IPO11: variants seen among roughly 807,000 people sequenced by gnomAD.
IPO11 encodes importin-11.
IPO11 carries 66 observed loss-of-function variants against 143.2 expected under a neutral mutation model. The ratio of observed to expected loss-of-function variants is 0.46; its 90% CI spans 0.38 to 0.57. IPO11 has a LOEUF of 0.57. IPO11 is among the 20% of genes least tolerant of loss of function. The pLI, the probability that IPO11 is intolerant of heterozygous loss-of-function variation, is 0.00. For missense variants in IPO11, 1,026 were observed against 1,141.0 expected (o/e 0.90, Z 1.45); for synonymous variants, 385 against 377.8 (o/e 1.02, Z -0.22).
At chr5:62,602,154 G>T (rs2112449821) in intron 29 of IPO11, among the ~76,000 whole-genome samples, 1 of 152,186 alleles carries the variant, frequency 6.6e-6, no homozygotes, top group East Asian at 1.9e-4. Context: ...TTATTCTTCT[G>T]TTTTGAGGAG....
At chr5:62,517,678 C>T (rs2112290216) in intron 20 of IPO11, among the ~76,000 whole-genome samples, 5 of 152,328 alleles carry the variant, frequency 3.3e-5, no homozygotes, top group Admixed American at 3.3e-4. Flanking sequence ...GCTGGGATTA[C>T]AGGCGTGAGC....
intron 21 of IPO11, among the ~76,000 whole-genome samples, chr5:62,527,208 T>G (rs1274481098): frequency 6.6e-6 from 1 of 152,244 alleles, no homozygotes; most frequent in Non-Finnish European, 1.5e-5. Flanking sequence ...AGCCTGTTGT[T>G]GAAATATTTT....
intron 20 of IPO11, among the ~76,000 whole-genome samples, chr5:62,523,370 G>A (rs1742263563): frequency 6.6e-6 from 1 of 152,164 alleles, no homozygotes; most frequent in Non-Finnish European, 1.5e-5. Flanking sequence ...TACAGAGCTT[G>A]TATAGGGGGA....
At chr5:62,467,955 GT>G (rs748881522) in intron 6 of IPO11, among the ~76,000 whole-genome samples, 5 of 151,774 alleles carry the variant, frequency 3.3e-5, no homozygotes, top group South Asian at 4.2e-4. Flanking sequence ...TTTGTTTTTT[GT>G]TTTTTTGGAC....
chr5:62,486,125 C>T (rs535130009), intron 12 of IPO11, among the ~76,000 whole-genome samples: 211 of 151,624 alleles, frequency 1.4e-3, no homozygotes, highest in Non-Finnish European at 2.7e-3. Context: ...GGAATACAGG[C>T]GCCCGCCACC....
In IPO11 at chr5:62,510,501, A is replaced by G. The variant is rs78068197; in HGVS notation, c.1782+4144A>G. The stretch of plus-strand genomic sequence containing the variant: ...ATATTAGACCTCTCCTTCTTAAGAG[A>G]TGTATGCTCCATTTCCTACATTATC... On this transcript the variant is annotated intron_variant, in intron 19 of 29. Transcript: ENST00000325324. 8.6e-3 allele frequency among the ~76,000 whole-genome samples: 1,316 copies of G among 152,244 alleles called. 12 individuals carry two copies. The highest frequency in any genetic ancestry group is 0.031 in the South Asian group (148 of 4,818).
At chr5:62,618,787 T>C (rs2112477825) in intron 29 of IPO11, among the ~76,000 whole-genome samples, 1 of 152,316 alleles carries the variant, frequency 6.6e-6, no homozygotes, top group African/African-American at 2.4e-5. Flanking sequence ...GGTGGGCGCC[T>C]GTAGTCCCAC....
chr5:62,435,160 A>ATATATG (rs1744158534), intron 1 of IPO11, among the ~76,000 whole-genome samples: 3 of 105,924 alleles, frequency 2.8e-5, no homozygotes, highest in Admixed American at 9.5e-5. Flanking sequence ...ATGTATATAT[A>ATATATG]TGTATATATA....
chr5:62,591,310 G>A (rs1580361196), intron 27 of IPO11, among the ~76,000 whole-genome samples: 1 of 151,894 alleles, frequency 6.6e-6, no homozygotes. Flanking sequence ...AGTAACATAA[G>A]ACTGTTATAA....
chr5:62,607,974 T>A (rs931725319), intron 29 of IPO11, among the ~76,000 whole-genome samples: 2 of 151,988 alleles, frequency 1.3e-5, no homozygotes, highest in Non-Finnish European at 2.9e-5. Context: ...GCACCACCAC[T>A]GCTGGATAAT....
Position 62,530,588 on chromosome 5 carries a change from CT to C in IPO11, c.2013-119del, listed in dbSNP as rs1742511093. The C allele has an allele frequency of 5.1e-6, 3 of 590,982 alleles. No individual in the cohort carries two copies. The South Asian group carries it at 7.4e-5, about 15-fold the overall frequency. The allele number at this position is 590,982 out of a possible 1,614,324, so 36.6% of individuals were successfully genotyped here. A position where few individuals can be genotyped will look rare whatever the true frequency, so the allele number is the denominator to read the frequency against. The stretch of plus-strand genomic sequence containing the variant: ...ATTCTTTCTTAGATAATTTTTATAA[CT>C]TAACTGATTATACACTTACCTTTCT... On this transcript the variant is annotated intron_variant, in intron 21 of 29. Coordinates refer to ENST00000325324, the MANE Select transcript of IPO11 (RefSeq NM_016338.5).
At chr5:62,537,613 A>G (rs7737525) in intron 24 of IPO11, among the ~76,000 whole-genome samples, 91,762 of 151,926 alleles carry the variant, frequency 0.6, 28,092 homozygotes, top group South Asian at 0.69. Context: ...CTTGTAAATT[A>G]TCCAGTGATG....
At chr5:62,574,302 T>C (rs1306080180) in intron 27 of IPO11, among the ~76,000 whole-genome samples, 1 of 152,178 alleles carries the variant, frequency 6.6e-6, no homozygotes. Flanking sequence ...CCTCCTCTCT[T>C]CTTCTGGTGC....
At chr5:62,593,670 T>C (rs1324295267) in intron 28 of IPO11, among the ~76,000 whole-genome samples, 1 of 152,180 alleles carries the variant, frequency 6.6e-6, no homozygotes, top group African/African-American at 2.4e-5. Flanking sequence ...AGGCCTAGAC[T>C]TGAGCATTAG....
chr5:62,429,992 C>T (rs759606110), intron 1 of IPO11, among the ~76,000 whole-genome samples: 4 of 152,074 alleles, frequency 2.6e-5, no homozygotes, highest in Admixed American at 6.6e-5. Context: ...CTCTGGACCT[C>T]GGGATCTGCC....
intron 24 of IPO11, among the ~76,000 whole-genome samples, chr5:62,538,563 G>T (rs543933867): frequency 5.9e-5 from 9 of 152,288 alleles, no homozygotes; most frequent in South Asian, 2.1e-4. Flanking sequence ...CTGTGAAGAA[G>T]ATGCCTTGCC....
At chr5:62,614,444 CT>C (rs1746051175) in intron 29 of IPO11, among the ~76,000 whole-genome samples, 2 of 152,232 alleles carry the variant, frequency 1.3e-5, no homozygotes, top group South Asian at 4.1e-4. Context: ...CAGGGAAGTG[CT>C]GCTGGCAGTA....
At chr5:62,596,199 A>G (rs1215022897) in intron 28 of IPO11, among the ~76,000 whole-genome samples, 2 of 145,890 alleles carry the variant, frequency 1.4e-5, no homozygotes, top group Non-Finnish European at 3.0e-5. Context: ...AGCCTGAGAC[A>G]TCGAGGCTGC....
intron 14 of IPO11, among the ~76,000 whole-genome samples, chr5:62,489,901 A>T (rs1030306403): frequency 1.2e-4 from 18 of 152,220 alleles, no homozygotes; most frequent in Non-Finnish European, 1.5e-5. Context: ...GAATTGAATT[A>T]TCTGTTTGAA....
Sources: allele counts gnomAD v4.1 joint callset (sites outside exome capture counted in the v4.1 genomes callset), GRCh38; gene constraint gnomAD v4.1.1; transcripts MANE v1.5; gene names NCBI Gene and HGNC (gene_info 2026-07-23, HGNC 2026-07-21).